CD109: variants seen among roughly 807,000 people sequenced by gnomAD.
The protein encoded by CD109 is CD109 antigen.
A neutral mutation model predicts 165.8 loss-of-function variants in CD109; 149 were observed. The observed-to-expected ratio is 0.90, with a 90% confidence interval of 0.79 to 1.03. The LOEUF is 1.03. Among genes scored for constraint, CD109 ranks in the 50% least tolerant of loss-of-function variants. CD109 has a pLI of 0.00. For synonymous variants in CD109, 585 were observed against 592.1 expected, an observed-to-expected ratio of 0.99 and a Z score of 0.18; for missense variants, 1,712 against 1,677.8, an observed-to-expected ratio of 1.02 and a Z score of -0.36.
At position 73,823,680 on chromosome 6, in the gene CD109, CAT is replaced by C. The variant is rs1332294578; in HGVS notation, c.*48_*49del. ...GTAACACTAACATTTCCAGTAGTCA[CAT>C]GTGATTGTTTTGTTTTCGTAGAAGA... is the stretch of plus-strand genomic sequence containing the variant. On this transcript the variant is annotated 3_prime_UTR_variant, in exon 33 of 33. Coordinates refer to ENST00000287097, the MANE Select transcript of CD109 (RefSeq NM_133493.5). 6.7e-7 allele frequency: 1 copy of C among 1,497,738 alleles called. No individual in the cohort carries two copies. Among genetic ancestry groups the C allele is most frequent in the Admixed American group, 2.0e-5 (1 of 49,434 alleles). 92.8% of individuals were successfully genotyped at this position (1,497,738 alleles called of 1,614,324 possible).
intron 2 of CD109, among the ~76,000 whole-genome samples, chr6:73,718,427 A>G (rs1240999862): frequency 6.6e-6 from 1 of 151,946 alleles, no homozygotes; most frequent in East Asian, 1.9e-4. Context: ...TGTTCCTTCT[A>G]TATGCAGTTT....
chr6:73,734,680 G>T (rs1238656760), intron 4 of CD109, among the ~76,000 whole-genome samples: 4 of 152,136 alleles, frequency 2.6e-5, no homozygotes, highest in African/African-American at 4.8e-5. Flanking sequence ...TTATTAGACT[G>T]CTTTCTGCAC....
chr6:73,772,898 T>C (rs1774095843), intron 15 of CD109, among the ~76,000 whole-genome samples: 1 of 151,818 alleles, frequency 6.6e-6, no homozygotes, highest in Non-Finnish European at 1.5e-5. Flanking sequence ...TCTTTTCTTT[T>C]TTTTGAAAAC....
chr6:73,798,337 A>G (rs1340641999), intron 23 of CD109, among the ~76,000 whole-genome samples: 1 of 151,402 alleles, frequency 6.6e-6, no homozygotes, highest in Non-Finnish European at 1.5e-5. Flanking sequence ...CTGGTTTCAA[A>G]CTCCTGTCCT....
intron 10 of CD109, among the ~76,000 whole-genome samples, chr6:73,764,617 C>T (rs1290515271): frequency 1.3e-5 from 2 of 152,000 alleles, no homozygotes; most frequent in Non-Finnish European, 2.9e-5. Context: ...GAGTTCGAGA[C>T]CAGCCTGACC....
intron 14 of CD109, among the ~76,000 whole-genome samples, chr6:73,769,924 CT>C (rs548478305): frequency 6.2e-4 from 95 of 152,230 alleles, no homozygotes; most frequent in African/African-American, 2.2e-3. Flanking sequence ...GTAAGGAAGG[CT>C]TTATTCAAGA....
intron 20 of CD109, among the ~76,000 whole-genome samples, chr6:73,786,557 C>A (rs1322787982): frequency 1.3e-5 from 2 of 151,986 alleles, no homozygotes; most frequent in African/African-American, 2.4e-5. Flanking sequence ...TAATCTACCA[C>A]TTACCAGCAA....
chr6:73,815,162 A>T, intron 30 of CD109, 39 bp downstream of exon 30: 1 of 1,510,484 alleles, frequency 6.6e-7, no homozygotes, highest in Non-Finnish European at 8.8e-7. Flanking sequence ...TTTTTCCTTT[A>T]AAAAATAGAC....
chr6:73,819,707 A>G (rs1309697693), intron 31 of CD109, among the ~76,000 whole-genome samples: 1 of 152,228 alleles, frequency 6.6e-6, no homozygotes, highest in African/African-American at 2.4e-5. Flanking sequence ...TTTGCTGTTT[A>G]GGAATTATCT....
intron 5 of CD109, among the ~76,000 whole-genome samples, chr6:73,748,174 C>G (rs1490537947): frequency 6.6e-6 from 1 of 152,160 alleles, no homozygotes; most frequent in Non-Finnish European, 1.5e-5. Context: ...CCTCTCCCTC[C>G]TTTGTCCAAG....
At chr6:73,719,154 C>T (rs994923961) in intron 2 of CD109, among the ~76,000 whole-genome samples, 5 of 152,130 alleles carry the variant, frequency 3.3e-5, no homozygotes, top group African/African-American at 1.2e-4. Context: ...GTATTTTACA[C>T]TTGCTGCTTA....
At position 73,806,981 on chromosome 6, in the gene CD109, T is replaced by A; in HGVS notation, c.3098T>A (p.Val1033Glu). ...GGTGAATTTTGGGATCCAGGAAGAG[T>A]GATTCATAGTGAGCTTCAAGGTGGC... is the stretch of plus-strand genomic sequence containing the variant. ...SNGEFWDPGR[V>E]IHSELQGGNK... The change falls in exon 25 of 33, where the codon GTG becomes GAG. Residue 1033 changes from valine to glutamate, a missense_variant. Physicochemically the swap from Val to Glu is moderately radical, Grantham distance 121. Transcript: ENST00000287097. The A allele has an allele frequency of 3.1e-6, 5 of 1,613,784 alleles. No homozygotes were observed. The highest frequency in any genetic ancestry group is 4.2e-6 in the Non-Finnish European group (5 of 1,179,914).
chr6:73,809,887 A>G, intron 26 of CD109, 97 bp from the exon 27 acceptor site: 1 of 838,776 alleles, frequency 1.2e-6, no homozygotes, highest in Non-Finnish European at 1.8e-6. Context: ...TTTTTATGCT[A>G]GTTAAGTACA....
At position 73,763,449 on chromosome 6, in the gene CD109, G is replaced by T. The variant is rs183518116; in HGVS notation, c.998-127G>T. The T allele has an allele frequency of 1.1e-5, 6 of 545,738 alleles. No homozygotes were observed. In the East Asian group the frequency reaches 1.5e-4, roughly 13 times the overall value. 33.8% of individuals were successfully genotyped at this position (545,738 alleles called of 1,614,324 possible). A position where few individuals can be genotyped will look rare whatever the true frequency, so the allele number is the denominator to read the frequency against. The stretch of plus-strand genomic sequence containing the variant: ...GCTTGTAGTGTCAAAGTCAATATGG[G>T]AATGAGGCTTATGTGCCCTGATATT... On this transcript the variant is annotated intron_variant, in intron 9 of 32. Transcript: ENST00000287097.
chr6:73,711,146 C>G (rs1318898444), intron 2 of CD109, among the ~76,000 whole-genome samples: 1 of 152,154 alleles, frequency 6.6e-6, no homozygotes, highest in African/African-American at 2.4e-5. Flanking sequence ...AGCCAAGAAC[C>G]TTGCTTGACT....
At chr6:73,691,315 T>G (rs1184722972), upstream of CD109, among the ~76,000 whole-genome samples, 5 of 152,344 alleles carry the variant, frequency 3.3e-5, no homozygotes, top group East Asian at 9.6e-4. Context: ...GCTGGTGTTA[T>G]GGACAGAGCA....
chr6:73,826,958 A>G lies in CD109; in HGVS notation c.*3325A>G, dbSNP rs1435665282. On this transcript the variant is annotated 3_prime_UTR_variant, in exon 33 of 33. Coordinates refer to ENST00000287097, the MANE Select transcript of CD109 (RefSeq NM_133493.5). ...TATAATACCAACTATTTTTATTTTT[A>G]CATAATTCAATTATTTCATTTGACA... The G allele has an allele frequency of 6.6e-6, 1 of 151,508 alleles. No homozygotes were observed. The allele number at this position is 151,508 out of a possible 1,614,324, so 9.4% of individuals were successfully genotyped here.
At chr6:73,816,513 G>A (rs974878940) in intron 30 of CD109, among the ~76,000 whole-genome samples, 1 of 152,172 alleles carries the variant, frequency 6.6e-6, no homozygotes, top group Non-Finnish European at 1.5e-5. Context: ...GCCTCCCAAA[G>A]TGCTGGGCTT....
chr6:73,697,087 T>C (rs1043404927), intron 1 of CD109, among the ~76,000 whole-genome samples: 12 of 152,190 alleles, frequency 7.9e-5, no homozygotes, highest in Non-Finnish European at 1.6e-4. Flanking sequence ...ATAACTCCAT[T>C]ATGCCCCGGT....
Sources: allele counts gnomAD v4.1 joint callset (sites outside exome capture counted in the v4.1 genomes callset), GRCh38; gene constraint gnomAD v4.1.1; transcripts MANE v1.5; gene names NCBI Gene and HGNC (gene_info 2026-07-23, HGNC 2026-07-21).